KCNQ1: variants seen among roughly 807,000 people sequenced by gnomAD.
KCNQ1 encodes potassium voltage-gated channel subfamily Q member 1.
In KCNQ1, 49 loss-of-function variants were observed where a neutral mutation model predicts 72.4. The ratio of observed to expected loss-of-function variants is 0.68; its 90% CI spans 0.54 to 0.86. KCNQ1 has a LOEUF of 0.86. KCNQ1 is among the 40% of genes least tolerant of loss of function. The probability of loss-of-function intolerance (pLI) is 0.00; values close to 1 mark genes in which losing one functional copy is unlikely to be tolerated. For missense variants in KCNQ1, 790 were observed against 945.1 expected (o/e 0.84, Z 2.15); for synonymous variants, 450 against 412.6 (o/e 1.09, Z -1.10).
rs1356597034 is a variant in KCNQ1, at chr11:2,515,705, G to T, written c.387-12223G>T. 6.6e-6 allele frequency among the ~76,000 whole-genome samples: 1 copy of T among 152,234 alleles called. No homozygotes were observed. The highest frequency in any genetic ancestry group is 2.1e-4 in the South Asian group (1 of 4,828). ...CACATCCATGGGGTCACTTCAGTTTGTCCTCCCGGCGCCTTCTAAATATAC... is the reference window on the plus strand; with the variant it reads ...CACATCCATGGGGTCACTTCAGTTTTTCCTCCCGGCGCCTTCTAAATATAC... On this transcript the variant is annotated intron_variant, in intron 1 of 15. Transcript: ENST00000155840. This position sits in a 1 kb window ranked among gnomAD's most constrained non-coding sequence, Gnocchi z 4.7.
At chr11:2,521,569 G>C in intron 1 of KCNQ1, 1 of 470,610 alleles carries the variant, frequency 2.1e-6, no homozygotes. Context: ...CTTCGACCCT[G>C]GGTGAGTTCC....
In KCNQ1 at chr11:2,519,653, A is replaced by C. The variant is rs555601376; in HGVS notation, c.387-8275A>C. Among the ~76,000 whole-genome samples, 15 of 151,202 alleles carry C rather than the reference A, an allele frequency of 9.9e-5. No homozygotes were observed. In the South Asian group the frequency reaches 2.3e-3, roughly 23 times the overall value. ...AACAAAACAAAACAAAAAACCAAAAAACAACAACAACTAATATATGTTTTT... is the reference window on the plus strand; with the variant it reads ...AACAAAACAAAACAAAAAACCAAAACACAACAACAACTAATATATGTTTTT... On this transcript the variant is annotated intron_variant, in intron 1 of 15. Coordinates refer to ENST00000155840, the MANE Select transcript of KCNQ1 (RefSeq NM_000218.3).
Position 2,593,461 on chromosome 11 carries a change from T to C in KCNQ1, c.1393+4607T>C, listed in dbSNP as rs1848695981. Among the ~76,000 whole-genome samples the C allele has an allele frequency of 6.6e-6, 1 of 152,208 alleles. No homozygotes were observed. The highest frequency in any genetic ancestry group is 1.5e-5 in the Non-Finnish European group (1 of 68,038). On this transcript the variant is annotated intron_variant, in intron 10 of 15. Coordinates refer to ENST00000155840, the MANE Select transcript of KCNQ1 (RefSeq NM_000218.3). This position sits in a 1 kb window ranked among gnomAD's most constrained non-coding sequence, Gnocchi z 6.9. ...ATCGGGCAGCACGCACCTTTCCACC[T>C]GGCCTGGAGGTGATTCTGAAGGGCT...
At chr11:2,688,108 T>C in intron 11 of KCNQ1, 1 of 398,846 alleles carries the variant, frequency 2.5e-6, no homozygotes, top group Non-Finnish European at 4.4e-6. Context: ...GCAGGGGACC[T>C]GGTGGGGGTG....
chr11:2,818,160 G>A lies in KCNQ1; in HGVS notation c.1795-29607G>A, dbSNP rs925335065. On this transcript the variant is annotated intron_variant, in intron 15 of 15. Coordinates refer to ENST00000155840, the MANE Select transcript of KCNQ1 (RefSeq NM_000218.3). The surrounding 1 kb of genome is among the most constrained non-coding windows in gnomAD (Gnocchi z 7.2). ...CTGCTGGCCCTCAGAGTGGGAGCGC[G>A]TGCCCCAACTTCCGAGCCCTAGGAA... Among the ~76,000 whole-genome samples, 11 of 152,120 alleles carry A rather than the reference G, an allele frequency of 7.2e-5. No homozygotes were observed. Among genetic ancestry groups the A allele is most frequent in the African/African-American group, 2.4e-4 (10 of 41,418 alleles).
chr11:2,571,085 C>A (rs558265856), intron 3 of KCNQ1, among the ~76,000 whole-genome samples: 1 of 152,324 alleles, frequency 6.6e-6, no homozygotes, highest in East Asian at 1.9e-4. Flanking sequence ...TGGCCACTTG[C>A]AGGGCTCAGC....
chr11:2,560,210 C>T (rs1354649316), intron 2 of KCNQ1, among the ~76,000 whole-genome samples: 3 of 54,664 alleles, frequency 5.5e-5, no homozygotes, highest in Admixed American at 2.7e-4. Flanking sequence ...CCTGGGGGGA[C>T]GGAGGCGTGA....
Position 2,767,189 on chromosome 11 carries a change from T to A in KCNQ1, c.1515-1655T>A, listed in dbSNP as rs566525473. 1.7e-4 allele frequency among the ~76,000 whole-genome samples: 24 copies of A among 138,990 alleles called. No homozygotes were observed. In the East Asian group the frequency reaches 4.5e-3, roughly 26 times the overall value. 91.2% of individuals were successfully genotyped at this position (138,990 alleles called of 152,430 possible). A position where few individuals can be genotyped will look rare whatever the true frequency, so the allele number is the denominator to read the frequency against. On this transcript the variant is annotated intron_variant, in intron 11 of 15. Transcript: ENST00000155840. The surrounding 1 kb of genome is among the most constrained non-coding windows in gnomAD (Gnocchi z 4.6). ...CTATATGTGTGTGTGTGTGTGTATTTTTTTTTTTCTTTGCTTAGCTAGGAG... is the reference window on the plus strand; with the variant it reads ...CTATATGTGTGTGTGTGTGTGTATTATTTTTTTTCTTTGCTTAGCTAGGAG...
chr11:2,735,151 C>T lies in KCNQ1; in HGVS notation c.1515-33693C>T, dbSNP rs780624541. Among the ~76,000 whole-genome samples, 10 of 152,282 alleles carry T rather than the reference C, an allele frequency of 6.6e-5. No homozygotes were observed. Among genetic ancestry groups the T allele is most frequent in the Admixed American group, 3.3e-4 (5 of 15,308 alleles). The stretch of plus-strand genomic sequence containing the variant: ...AACGTGTGAAACCTGACAGCAGCGC[C>T]GCAGCAGGACAGGGAGGGACTGTGT... On this transcript the variant is annotated intron_variant, in intron 11 of 15. Coordinates refer to ENST00000155840, the MANE Select transcript of KCNQ1 (RefSeq NM_000218.3). This position sits in a 1 kb window ranked among gnomAD's most constrained non-coding sequence, Gnocchi z 7.7.
chr11:2,663,262 T>C lies in KCNQ1; in HGVS notation c.1514+1181T>C, dbSNP rs1444097796. On this transcript the variant is annotated intron_variant, in intron 11 of 15. Transcript: ENST00000155840. This position sits in a 1 kb window ranked among gnomAD's most constrained non-coding sequence, Gnocchi z 5.2. ...ACTGGAAAGCAGGGGTGACTAGTCA[T>C]GGACACCCTGAGAATAGGGCTCTGA... 1.0e-5 allele frequency: 4 copies of C among 398,528 alleles called. No individual in the cohort carries two copies. The highest frequency in any genetic ancestry group is 3.6e-5 in the East Asian group (1 of 28,072). The allele number at this position is 398,528 out of a possible 1,614,324, so 24.7% of individuals were successfully genotyped here.
chr11:2,742,232 C>T (rs963502109), intron 11 of KCNQ1, among the ~76,000 whole-genome samples: 1 of 152,232 alleles, frequency 6.6e-6, no homozygotes, highest in Non-Finnish European at 1.5e-5. Context: ...TGATTTGAGA[C>T]CCTGGGTGGT....
rs892530550 is a variant in KCNQ1 at position 2,767,530 on chromosome 11, A to G, written c.1515-1314A>G. ...TCCCTTGCCTTTTAGTCTTTCGTGT[A>G]TAAAATTGTAGATGCTCGAGGGTAT... is the stretch of plus-strand genomic sequence containing the variant. On this transcript the variant is annotated intron_variant, in intron 11 of 15. Transcript: ENST00000155840. The surrounding 1 kb of genome is among the most constrained non-coding windows in gnomAD (Gnocchi z 4.6). Among the ~76,000 whole-genome samples, 1 of 152,216 alleles carries G rather than the reference A, an allele frequency of 6.6e-6. No homozygotes were observed. Among genetic ancestry groups the G allele is most frequent in the African/African-American group, 2.4e-5 (1 of 41,458 alleles).
At chr11:2,574,393 TG>T (rs1196891448) in intron 6 of KCNQ1, among the ~76,000 whole-genome samples, 2 of 84,380 alleles carry the variant, frequency 2.4e-5, no homozygotes, top group Non-Finnish European at 2.4e-5. Flanking sequence ...CAACAGGGGC[TG>T]GGGGCTGGGG....
rs147454282 is a variant in KCNQ1, at chr11:2,841,082, C to T, written c.1795-6685C>T. On this transcript the variant is annotated intron_variant, in intron 15 of 15. Transcript: ENST00000155840. Reference sequence around the variant, plus strand: ...ACACCAAGCAAGGAGATCAATAAACCGGGACATTTCAGGGAGTGGTGAAGG... The same window carrying T: ...ACACCAAGCAAGGAGATCAATAAACTGGGACATTTCAGGGAGTGGTGAAGG... 7.9e-5 allele frequency among the ~76,000 whole-genome samples: 12 copies of T among 152,286 alleles called. No individual in the cohort carries two copies. The East Asian group carries it at 1.7e-3, about 22-fold the overall frequency.
At chr11:2,684,112 G>C (rs532226258) in intron 11 of KCNQ1, 1 of 398,576 alleles carries the variant, frequency 2.5e-6, no homozygotes, top group South Asian at 1.3e-4. Context: ...CTTTCACATA[G>C]ATTCTTAAGG....
rs1244875350 is a variant in KCNQ1, at chr11:2,447,429, A to G, written c.386+1945A>G. On this transcript the variant is annotated intron_variant, in intron 1 of 15. Coordinates refer to ENST00000155840, the MANE Select transcript of KCNQ1 (RefSeq NM_000218.3). This position sits in a 1 kb window ranked among gnomAD's most constrained non-coding sequence, Gnocchi z 7.6. Reference sequence around the variant, plus strand: ...GCCTGGCCCTGGGAAGTTGTCATGAACAGCCTCCAACCCAGGTACCTCCAT... The same window carrying G: ...GCCTGGCCCTGGGAAGTTGTCATGAGCAGCCTCCAACCCAGGTACCTCCAT... Among the ~76,000 whole-genome samples the G allele has an allele frequency of 1.3e-5, 2 of 152,008 alleles. No homozygotes were observed. The highest frequency in any genetic ancestry group is 2.9e-5 in the Non-Finnish European group (2 of 67,994).
chr11:2,615,258 CTGCAATTT>C (rs1292824934), intron 10 of KCNQ1: 8 of 397,954 alleles, frequency 2.0e-5, no homozygotes. Flanking sequence ...AACATGTACC[CTGCAATTT>C]TGCTGGACTT....
intron 10 of KCNQ1, chr11:2,641,372 C>G: frequency 5.0e-6 from 2 of 398,178 alleles, no homozygotes; most frequent in Non-Finnish European, 8.9e-6. Flanking sequence ...CTTGCATTTC[C>G]CTTATAATTA....
rs542665111 is a variant in KCNQ1 at position 2,653,823 on chromosome 11, G to C, written c.1394-8138G>C. The C allele has an allele frequency of 2.5e-6, 1 of 398,538 alleles. No individual in the cohort carries two copies. Among genetic ancestry groups the C allele is most frequent in the Non-Finnish European group, 4.4e-6 (1 of 226,112 alleles). 24.7% of individuals were successfully genotyped at this position (398,538 alleles called of 1,614,324 possible). ...CGATGGCTGAGGCAAGGTCCACAGG[G>C]ACCCCTTTGGGGATGGCCAGAGGGT... On this transcript the variant is annotated intron_variant, in intron 10 of 15. Transcript: ENST00000155840. The surrounding 1 kb of genome is among the most constrained non-coding windows in gnomAD (Gnocchi z 5.3).
Sources: allele counts gnomAD v4.1 joint callset (sites outside exome capture counted in the v4.1 genomes callset), GRCh38; gene constraint gnomAD v4.1.1; non-coding constraint Gnocchi (gnomAD v3.1); transcripts MANE v1.5; gene names NCBI Gene and HGNC (gene_info 2026-07-23, HGNC 2026-07-21).